Variants in ANKS1B observed in about 807,000 individuals in gnomAD.
The protein encoded by ANKS1B is ankyrin repeat and sterile alpha motif domain containing 1B, also known as ankyrin repeat and sterile alpha motif domain-containing protein 1B.
A neutral mutation model predicts 148.3 loss-of-function variants in ANKS1B; 36 were observed. The ratio of observed to expected loss-of-function variants is 0.24; its 90% CI spans 0.19 to 0.32. ANKS1B has a LOEUF of 0.32. ANKS1B is among the 10% of genes least tolerant of loss of function. ANKS1B has a pLI of 1.00. For missense variants in ANKS1B, 1,157 were observed against 1,542.6 expected (o/e 0.75, Z 4.19); for synonymous variants, 542 against 560.8 (o/e 0.97, Z 0.47).
intron 8 of ANKS1B, among the ~76,000 whole-genome samples, chr12:99,748,588 G>A (rs2060819766): frequency 6.6e-6 from 1 of 151,894 alleles, no homozygotes; most frequent in South Asian, 2.1e-4. Context: ...CTAGACACCA[G>A]TAATACAGCA....
intron 8 of ANKS1B, among the ~76,000 whole-genome samples, chr12:99,678,485 T>G (rs2098595021): frequency 6.6e-6 from 1 of 152,090 alleles, no homozygotes; most frequent in African/African-American, 2.4e-5. Flanking sequence ...CCTACATAAC[T>G]TGGAACAAAT....
chr12:99,680,867 C>A (rs373194327), intron 8 of ANKS1B, among the ~76,000 whole-genome samples: 8 of 152,074 alleles, frequency 5.3e-5, no homozygotes, highest in African/African-American at 1.2e-4. Context: ...AGGCCCGTCA[C>A]TGCCAGCTTT....
rs770133422 is a variant in ANKS1B at position 98,800,217 on chromosome 12, G to GAA, written c.3270+778_3270+779dup. Among the ~76,000 whole-genome samples, 83 of 39,190 alleles carry GAA rather than the reference G, an allele frequency of 2.1e-3. 1 individual carries two copies. The highest frequency in any genetic ancestry group is 3.3e-3 in the Non-Finnish European group (57 of 17,456). The allele number at this position is 39,190 out of a possible 152,430, so 25.7% of individuals were successfully genotyped here. On this transcript the variant is annotated intron_variant, in intron 21 of 26. Transcript: ENST00000683438. ...AAAAGAGGGGCAGAAAGCAGAAAAT[G>GAA]AAAAAAAAAAAAAAAAAAAGCTCAA...
intron 15 of ANKS1B, among the ~76,000 whole-genome samples, chr12:99,092,113 G>A (rs1365758375): frequency 1.4e-5 from 2 of 142,746 alleles, no homozygotes; most frequent in Non-Finnish European, 3.1e-5. Context: ...ACTGAATCCT[G>A]GAATCAGGCT....
chr12:99,787,796 T>G (rs752322741), intron 4 of ANKS1B, among the ~76,000 whole-genome samples: 1 of 152,226 alleles, frequency 6.6e-6, no homozygotes, highest in African/African-American at 2.4e-5. Flanking sequence ...GCTGTGCAGA[T>G]AGAAAATCTG....
intron 17 of ANKS1B, among the ~76,000 whole-genome samples, chr12:99,002,632 T>C (rs1359814878): frequency 2.0e-5 from 3 of 152,182 alleles, no homozygotes; most frequent in Non-Finnish European, 4.4e-5. Flanking sequence ...GCCATTTGTA[T>C]GTCTTCTTTG....
chr12:98,903,232 G>T (rs543351248), intron 17 of ANKS1B, among the ~76,000 whole-genome samples: 1 of 152,106 alleles, frequency 6.6e-6, no homozygotes, highest in Non-Finnish European at 1.5e-5. Context: ...TCAACACCCG[G>T]TGCTCTATTT....
chr12:98,868,982 G>A (rs1038041168), intron 17 of ANKS1B, among the ~76,000 whole-genome samples: 6 of 152,268 alleles, frequency 3.9e-5, no homozygotes, highest in Middle Eastern at 6.8e-3. Context: ...AAAAAACCAC[G>A]AAGGATCTGG....
intron 12 of ANKS1B, among the ~76,000 whole-genome samples, chr12:99,370,288 A>C (rs1373510231): frequency 2.6e-5 from 4 of 152,180 alleles, no homozygotes; most frequent in African/African-American, 9.6e-5. Flanking sequence ...GACTTAAAAA[A>C]TAGAGAGCAT....
At chr12:99,151,696 T>C (rs1416555638) in intron 15 of ANKS1B, among the ~76,000 whole-genome samples, 1 of 152,180 alleles carries the variant, frequency 6.6e-6, no homozygotes, top group East Asian at 1.9e-4. Context: ...ATTTAGCAAA[T>C]AATTTTTAAA....
chr12:98,971,120 G>A (rs2153204191), intron 17 of ANKS1B, among the ~76,000 whole-genome samples: 1 of 152,242 alleles, frequency 6.6e-6, no homozygotes, highest in South Asian at 2.1e-4. Context: ...GGGTGACCTT[G>A]GCCAAGTTTT....
rs148264156 is a variant in ANKS1B, at chr12:99,832,872, T to A, written c.135-7483A>T. On this transcript the variant is annotated intron_variant, in intron 1 of 26. Transcript: ENST00000683438. The stretch of plus-strand genomic sequence containing the variant: ...CACACTATGAAATGTTATGCAACTA[T>A]TAAAATAAATAACTTTGATCTGAAT... Among the ~76,000 whole-genome samples, 287 of 152,276 alleles carry A rather than the reference T, an allele frequency of 1.9e-3. 3 individuals carry two copies. In the Middle Eastern group the frequency reaches 0.02, roughly 11 times the overall value.
intron 24 of ANKS1B, among the ~76,000 whole-genome samples, chr12:98,776,357 T>C (rs1378662687): frequency 6.6e-6 from 1 of 152,220 alleles, no homozygotes; most frequent in Non-Finnish European, 1.5e-5. Context: ...ACTGGACTCC[T>C]CACATGTTGA....
At chr12:99,860,834 G>A (rs1178667899) in intron 1 of ANKS1B, among the ~76,000 whole-genome samples, 1 of 152,178 alleles carries the variant, frequency 6.6e-6, no homozygotes, top group Non-Finnish European at 1.5e-5. Flanking sequence ...AGCCACTGTA[G>A]CTGAGGTACC....
At chr12:99,615,267 G>T (rs938353904) in intron 9 of ANKS1B, among the ~76,000 whole-genome samples, 1 of 152,036 alleles carries the variant, frequency 6.6e-6, no homozygotes, top group Non-Finnish European at 1.5e-5. Flanking sequence ...ACATAATTTT[G>T]TTGGGATAAT....
chr12:98,872,685 C>T (rs1173536814), intron 17 of ANKS1B, among the ~76,000 whole-genome samples: 1 of 152,132 alleles, frequency 6.6e-6, no homozygotes, highest in Non-Finnish European at 1.5e-5. Flanking sequence ...GGGGCCATCG[C>T]CAAGCTAAGG....
intron 9 of ANKS1B, among the ~76,000 whole-genome samples, chr12:99,644,375 C>T (rs2098339311): frequency 6.6e-6 from 1 of 152,182 alleles, no homozygotes; most frequent in Non-Finnish European, 1.5e-5. Context: ...ATTTCCCCCG[C>T]TTTCTTCTGA....
intron 2 of ANKS1B, among the ~76,000 whole-genome samples, chr12:99,813,095 T>C (rs1271035409): frequency 6.6e-6 from 1 of 151,748 alleles, no homozygotes; most frequent in East Asian, 1.9e-4. Flanking sequence ...GGGAAACTCA[T>C]TTAAAAGACA....
At chr12:99,312,808 C>T (rs1343040140) in intron 12 of ANKS1B, among the ~76,000 whole-genome samples, 1 of 152,084 alleles carries the variant, frequency 6.6e-6, no homozygotes, top group Non-Finnish European at 1.5e-5. Flanking sequence ...TAAATGCCCA[C>T]ATTAGAAAGC....
Sources: allele counts gnomAD v4.1 joint callset (sites outside exome capture counted in the v4.1 genomes callset), GRCh38; gene constraint gnomAD v4.1.1; transcripts MANE v1.5; gene names NCBI Gene and HGNC (gene_info 2026-07-23, HGNC 2026-07-21).